APPL2: variants seen among roughly 807,000 people sequenced by gnomAD.
APPL2 encodes the protein adaptor protein, phosphotyrosine interacting with PH domain and leucine zipper 2, also known as DCC-interacting protein 13-beta.
Under a neutral mutation model 92.7 loss-of-function variants are expected in APPL2, and 84 were observed. That is an observed-to-expected ratio of 0.91 (90% CI 0.76 to 1.09). APPL2 has a LOEUF of 1.09. APPL2 is among the 50% of genes least tolerant of loss of function. The pLI, the probability that APPL2 is intolerant of heterozygous loss-of-function variation, is 0.00. For missense variants in APPL2, 736 were observed against 824.5 expected, an observed-to-expected ratio of 0.89 and a Z score of 1.31; for synonymous variants, 291 against 291.0, an observed-to-expected ratio of 1.00 and a Z score of 0.00.
In APPL2 at chr12:105,186,708, TATC is replaced by T. The variant is rs368584480; in HGVS notation, c.1634+1562_1634+1564del. 1.9e-3 allele frequency among the ~76,000 whole-genome samples: 114 copies of T among 60,314 alleles called. 2 individuals are homozygous for T. In the East Asian group the frequency reaches 0.025, roughly 13 times the overall value. 39.6% of individuals were successfully genotyped at this position (60,314 alleles called of 152,430 possible). On this transcript the variant is annotated intron_variant, in intron 17 of 20. Coordinates refer to ENST00000258530, the MANE Select transcript of APPL2 (RefSeq NM_018171.5). ...TATATATATCATATATCATATCATA[TATC>T]ATATCATATATATATCATATATATC...
chr12:105,189,968 A>C, intron 15 of APPL2, 23 bp downstream of exon 15: 1 of 1,612,800 alleles, frequency 6.2e-7, no homozygotes, highest in South Asian at 1.1e-5. Context: ...GTTCTCCCAG[A>C]GATAACCTCT....
chr12:105,210,253 C>T (rs886848598), intron 5 of APPL2, among the ~76,000 whole-genome samples: 1 of 152,228 alleles, frequency 6.6e-6, no homozygotes. Flanking sequence ...AGCCACTGTG[C>T]CCGGCCAATC....
chr12:105,202,716 C>G (rs1243545413), intron 9 of APPL2, among the ~76,000 whole-genome samples: 3 of 152,162 alleles, frequency 2.0e-5, no homozygotes, highest in Non-Finnish European at 4.4e-5. Flanking sequence ...TAAATAAAAG[C>G]TACATCACTC....
chr12:105,208,136 C>T (rs1233184249), intron 6 of APPL2, 22 bp downstream of exon 6: 1 of 1,614,158 alleles, frequency 6.2e-7, no homozygotes, highest in Admixed American at 1.7e-5. Flanking sequence ...ACCCACACAC[C>T]AGGAATGGAG....
rs376645996 is a variant in APPL2, at chr12:105,180,646, C to G, written c.1635-3384G>C. On this transcript the variant is annotated intron_variant, in intron 17 of 20. Coordinates refer to ENST00000258530, the MANE Select transcript of APPL2 (RefSeq NM_018171.5). Reference sequence around the variant, plus strand: ...TTGTGTCCTCTCTTATTTCCTTGAGCAGTGGTTTGTAGTTCTCCTTGAAGA... The same window carrying G: ...TTGTGTCCTCTCTTATTTCCTTGAGGAGTGGTTTGTAGTTCTCCTTGAAGA... 1.7e-3 allele frequency among the ~76,000 whole-genome samples: 254 copies of G among 152,272 alleles called. 1 individual carries two copies. The highest frequency in any genetic ancestry group is 5.8e-3 in the African/African-American group (241 of 41,558).
intron 1 of APPL2, among the ~76,000 whole-genome samples, chr12:105,230,400 C>G (rs930831513): frequency 6.6e-6 from 1 of 152,156 alleles, no homozygotes; most frequent in Non-Finnish European, 1.5e-5. Flanking sequence ...AAGGGATTTT[C>G]GTTAATGTGC....
At chr12:105,209,692 C>G (rs1398337921) in intron 5 of APPL2, among the ~76,000 whole-genome samples, 4 of 152,198 alleles carry the variant, frequency 2.6e-5, no homozygotes, top group African/African-American at 7.2e-5. Context: ...TCAGTGAGGA[C>G]ACAATCATCA....
At chr12:105,207,015 G>A (rs771951298) in intron 8 of APPL2, 46 bp downstream of exon 8, 3 of 1,593,546 alleles carry the variant, frequency 1.9e-6, no homozygotes, top group East Asian at 2.2e-5. Context: ...TCAGCAGAAC[G>A]CCACAGCTAG....
Position 105,236,136 on chromosome 12 carries a change from C to A in APPL2, c.-124G>T. The A allele has an allele frequency of 2.0e-6, 1 of 505,334 alleles. No homozygotes were observed. Among genetic ancestry groups the A allele is most frequent in the Non-Finnish European group, 2.7e-6 (1 of 373,168 alleles). 31.3% of individuals were successfully genotyped at this position (505,334 alleles called of 1,614,324 possible). A position where few individuals can be genotyped will look rare whatever the true frequency, so the allele number is the denominator to read the frequency against. On this transcript the variant is annotated 5_prime_UTR_variant, in exon 1 of 21. Coordinates refer to ENST00000258530, the MANE Select transcript of APPL2 (RefSeq NM_018171.5). ...CGGCCACTCCGTGCCCGCGGCGGCCCCGCGCGCGTCCACGCCTGGCCAGTG... is the reference window on the plus strand; with the variant it reads ...CGGCCACTCCGTGCCCGCGGCGGCCACGCGCGCGTCCACGCCTGGCCAGTG...
rs758352298 is a variant in APPL2, at chr12:105,199,424, G to T, written c.812C>A (p.Pro271Gln). Residue 271 changes from proline to glutamine, a missense_variant, in exon 10 of 21, where the codon CCA becomes CAA. Pro to Gln is a moderately conservative substitution (Grantham distance 76). Transcript: ENST00000258530. ...VYTPDSDVAA[P>Q]QINRNLIQKA... The stretch of plus-strand genomic sequence containing the variant: ...CTGGATGAGGTTCCTGTTGATCTGT[G>T]GTGCGGCCACATCAGAGTCTGGAGT... 3 of 1,613,944 alleles carry T rather than the reference G, an allele frequency of 1.9e-6. No homozygotes were observed. Among genetic ancestry groups the T allele is most frequent in the Non-Finnish European group, 2.5e-6 (3 of 1,180,000 alleles).
At chr12:105,209,905 TC>T (rs774226397) in intron 5 of APPL2, among the ~76,000 whole-genome samples, 4 of 152,132 alleles carry the variant, frequency 2.6e-5, no homozygotes, top group African/African-American at 4.8e-5. Flanking sequence ...CTATCCTTGT[TC>T]CTTAGCCTCA....
chr12:105,187,349 C>T (rs935249), intron 17 of APPL2, among the ~76,000 whole-genome samples: 131,432 of 152,248 alleles, frequency 0.86, 56,940 homozygotes, highest in East Asian at 0.98. Context: ...TTGTAAATGT[C>T]TTACATATAT....
In APPL2 at chr12:105,211,239, C is replaced by T. The variant is rs757520073; in HGVS notation, c.364G>A (p.Asp122Asn). The change falls in exon 5 of 21, where the codon GAT becomes AAT. Residue 122 changes from aspartate to asparagine, a missense_variant. Transcript: ENST00000258530. ...AACTCAGTTACTTTACCTGTGAGATCCTTTTCTCGGAATTGTATGATAGGT... is the reference window on the plus strand; with the variant it reads ...AACTCAGTTACTTTACCTGTGAGATTCTTTTCTCGGAATTGTATGATAGGT... ...VLPIIQFREK[D>N]LTEVSTLKDL... The T allele has an allele frequency of 6.2e-6, 10 of 1,612,074 alleles. No individual in the cohort carries two copies. The highest frequency in any genetic ancestry group is 1.7e-5 in the Admixed American group (1 of 59,982).
intron 17 of APPL2, among the ~76,000 whole-genome samples, chr12:105,180,142 T>C (rs1885975146): frequency 6.6e-6 from 1 of 152,202 alleles, no homozygotes; most frequent in Non-Finnish European, 1.5e-5. Flanking sequence ...CTTGACTTAA[T>C]TTTTGTATAA....
In APPL2 at chr12:105,229,227, G is replaced by A; in HGVS notation, c.55-4C>T. 6.2e-7 allele frequency: 1 copy of A among 1,609,140 alleles called. No individual in the cohort carries two copies. Among genetic ancestry groups the A allele is most frequent in the Non-Finnish European group, 8.5e-7 (1 of 1,177,706 alleles). ...ACACGCTCAGTAAAGAGCGAGTCTG[G>A]AAGAAAAGAAGAAAAAAGGTCAATT... On this transcript the variant is annotated splice_region_variant and splice_polypyrimidine_tract_variant and intron_variant, in intron 1 of 20. Coordinates refer to ENST00000258530, the MANE Select transcript of APPL2 (RefSeq NM_018171.5).
At chr12:105,206,304 C>T (rs1796518364) in intron 8 of APPL2, among the ~76,000 whole-genome samples, 1 of 152,140 alleles carries the variant, frequency 6.6e-6, no homozygotes, top group South Asian at 2.1e-4. Flanking sequence ...TTCCTCGCAT[C>T]CCCTTCTGTT....
In APPL2 at chr12:105,215,062, A is replaced by G. The variant is rs540616026; in HGVS notation, c.285+2007T>C. Among the ~76,000 whole-genome samples, 7 of 152,296 alleles carry G rather than the reference A, an allele frequency of 4.6e-5. No homozygotes were observed. In the South Asian group the frequency reaches 1.5e-3, roughly 32 times the overall value. On this transcript the variant is annotated intron_variant, in intron 4 of 20. Coordinates refer to ENST00000258530, the MANE Select transcript of APPL2 (RefSeq NM_018171.5). The stretch of plus-strand genomic sequence containing the variant: ...TGGCTGTTCATCTGTGTCCTCTGTA[A>G]TATCCTTTATAATAAAGGTAAATTT...
chr12:105,184,362 C>T (rs1886399366), intron 17 of APPL2, among the ~76,000 whole-genome samples: 1 of 152,192 alleles, frequency 6.6e-6, no homozygotes, highest in Non-Finnish European at 1.5e-5. Flanking sequence ...GAATTTTCAG[C>T]CTTTCTGTGC....
At chr12:105,222,744 G>A (rs975152907) in intron 2 of APPL2, among the ~76,000 whole-genome samples, 1 of 152,124 alleles carries the variant, frequency 6.6e-6, no homozygotes, top group Non-Finnish European at 1.5e-5. Flanking sequence ...GTCCATGAAG[G>A]GACAAGGAAA....
Sources: allele counts gnomAD v4.1 joint callset (sites outside exome capture counted in the v4.1 genomes callset), GRCh38; gene constraint gnomAD v4.1.1; transcripts MANE v1.5; gene names NCBI Gene and HGNC (gene_info 2026-07-23, HGNC 2026-07-21).